The following PGM1 variants were observed in gnomAD, a reference collection of about 807,000 sequenced individuals.
PGM1 encodes the protein phosphoglucomutase 1.
Under a neutral mutation model 55.6 loss-of-function variants are expected in PGM1, and 52 were observed. The observed-to-expected ratio is 0.94, with a 90% CI of 0.75 to 1.18. The LOEUF (loss-of-function observed/expected upper bound fraction) is 1.18, where lower values mean the gene tolerates loss of function less well. Among genes scored for constraint, PGM1 ranks in the 50% most tolerant of loss-of-function variants. PGM1 has a pLI of 0.00. For synonymous variants in PGM1, 287 were observed against 271.7 expected, an observed-to-expected ratio of 1.06 and a Z score of -0.55; for missense variants, 724 against 729.3, an observed-to-expected ratio of 0.99 and a Z score of 0.08.
At chr1:63,595,568 A>G (rs545981379) in intron 1 of PGM1, among the ~76,000 whole-genome samples, 1 of 152,040 alleles carries the variant, frequency 6.6e-6, no homozygotes, top group East Asian at 1.9e-4. Context: ...GCAAATTCCC[A>G]TGAAAGAAGA....
chr1:63,631,831 GC>G, intron 4 of PGM1, 49 bp downstream of exon 4: 1 of 1,578,214 alleles, frequency 6.3e-7, no homozygotes, highest in Non-Finnish European at 8.7e-7. Context: ...ATAGGAAGTT[GC>G]CCTCTTCTGT....
chr1:63,602,264 A>G (rs1015512037), intron 1 of PGM1, among the ~76,000 whole-genome samples: 1 of 152,218 alleles, frequency 6.6e-6, no homozygotes, highest in Non-Finnish European at 1.5e-5. Flanking sequence ...AGTTTGTAAA[A>G]GGACCCCAAA....
rs377346866 is a variant in PGM1, at chr1:63,651,372, CAT to C, written c.1281-296_1281-295del. The C allele has an allele frequency of 4.1e-5, 15 of 362,352 alleles. 1 individual carries two copies. The highest frequency in any genetic ancestry group is 3.1e-4 in the African/African-American group (15 of 48,060). The allele number at this position is 362,352 out of a possible 1,614,324, so 22.4% of individuals were successfully genotyped here. A position where few individuals can be genotyped will look rare whatever the true frequency, so the allele number is the denominator to read the frequency against. ...GATGTGGTGACTAAATGTTAGATAG[CAT>C]CTTTCAAAAGCCTTTGAAACATCTT... On this transcript the variant is annotated intron_variant, in intron 8 of 10. Coordinates refer to ENST00000371084, the MANE Select transcript of PGM1 (RefSeq NM_002633.3).
At chr1:63,633,020 C>T (rs1329207542) in intron 4 of PGM1, among the ~76,000 whole-genome samples, 2 of 152,066 alleles carry the variant, frequency 1.3e-5, no homozygotes, top group African/African-American at 4.8e-5. Context: ...AAGACTCCGT[C>T]TCAAAAAAAC....
Position 63,607,238 on chromosome 1 carries a change from A to G in PGM1, c.246+13504A>G, listed in dbSNP as rs144828428. On this transcript the variant is annotated intron_variant, in intron 1 of 10. Coordinates refer to ENST00000371084, the MANE Select transcript of PGM1 (RefSeq NM_002633.3). ...CCAGTTTTGGTTGCCAGGCAGGGGA[A>G]GTTCCATTTACCAAGTGAAACCACA... Among the ~76,000 whole-genome samples, 634 of 152,312 alleles carry G rather than the reference A, an allele frequency of 4.2e-3. 4 individuals carry two copies. The highest frequency in any genetic ancestry group is 0.015 in the African/African-American group (610 of 41,560).
At chr1:63,630,233 G>A in intron 3 of PGM1, 145 bp downstream of exon 3, 2 of 894,952 alleles carry the variant, frequency 2.2e-6, no homozygotes, top group Non-Finnish European at 3.6e-6. Flanking sequence ...TAATTAACAA[G>A]TCTGGAATTA....
chr1:63,595,897 C>T (rs1279553223), intron 1 of PGM1, among the ~76,000 whole-genome samples: 1 of 152,110 alleles, frequency 6.6e-6, no homozygotes, highest in Non-Finnish European at 1.5e-5. Context: ...TGCCCTATTG[C>T]TCTTCTCTCA....
intron 1 of PGM1, among the ~76,000 whole-genome samples, chr1:63,617,945 T>C (rs894947673): frequency 2.0e-5 from 3 of 152,094 alleles, no homozygotes; most frequent in Admixed American, 2.0e-4. Flanking sequence ...GTCAAATATT[T>C]GTTTTCTTTT....
At chr1:63,615,547 C>CTTTTTTTT (rs796858830) in intron 1 of PGM1, among the ~76,000 whole-genome samples, 1 of 96,096 alleles carries the variant, frequency 1.0e-5, no homozygotes, top group African/African-American at 4.6e-5. Context: ...TCTTCTTCTT[C>CTTTTTTTT]TTCTTTTTTT....
intron 6 of PGM1, among the ~76,000 whole-genome samples, chr1:63,636,933 C>T (rs564420130): frequency 1.8e-4 from 28 of 152,286 alleles, no homozygotes; most frequent in Middle Eastern, 3.4e-3. Context: ...CTTGCCCACA[C>T]AAACACAGTG....
intron 1 of PGM1, among the ~76,000 whole-genome samples, chr1:63,615,925 G>C (rs576966241): frequency 6.6e-6 from 1 of 152,232 alleles, no homozygotes; most frequent in Non-Finnish European, 1.5e-5. Context: ...AGCCCATAGA[G>C]TTGTGCAAGG....
chr1:63,649,500 A>G (rs977606008), intron 8 of PGM1, among the ~76,000 whole-genome samples: 14 of 152,206 alleles, frequency 9.2e-5, no homozygotes, highest in African/African-American at 2.9e-4. Flanking sequence ...TATTAGATGA[A>G]TTGTTTATGT....
At position 63,659,588 on chromosome 1, in the gene PGM1, C is replaced by A. The variant is rs772493314; in HGVS notation, c.1602C>A (p.Val534=). ...DVAKINQDPQ[V]MLAPLISIAL... is the part of the protein sequence containing the mutation. ...GCTTCTCTCTATGTCTTCCTCAGGTCATGTTGGCCCCCCTTATTTCCATTG... is the reference window on the plus strand; with the variant it reads ...GCTTCTCTCTATGTCTTCCTCAGGTAATGTTGGCCCCCCTTATTTCCATTG... Residue 534 remains valine (V), a splice_region_variant and synonymous_variant, in exon 11 of 11, where the codon GTC becomes GTA. Coordinates refer to ENST00000371084, the MANE Select transcript of PGM1 (RefSeq NM_002633.3). 11 of 1,613,252 alleles carry A rather than the reference C, an allele frequency of 6.8e-6. No homozygotes were observed. The highest frequency in any genetic ancestry group is 6.8e-6 in the Non-Finnish European group (8 of 1,179,306).
chr1:63,647,283 T>TAC (rs1177137650), intron 7 of PGM1, among the ~76,000 whole-genome samples: 6 of 58,388 alleles, frequency 1.0e-4, no homozygotes, highest in Non-Finnish European at 1.3e-4. Flanking sequence ...TATATATATA[T>TAC]ATATATATAT....
intron 3 of PGM1, among the ~76,000 whole-genome samples, chr1:63,630,808 G>A (rs1458317684): frequency 6.6e-6 from 1 of 152,164 alleles, no homozygotes; most frequent in Non-Finnish European, 1.5e-5. Context: ...GCCCTAACAT[G>A]TTTTCTTTCT....
chr1:63,651,187 A>G (rs1379654475), intron 8 of PGM1, among the ~76,000 whole-genome samples: 2 of 152,100 alleles, frequency 1.3e-5, no homozygotes, highest in Admixed American at 1.3e-4. Context: ...AACTCTGCTT[A>G]GTCAAAATCT....
At position 63,604,917 on chromosome 1, in the gene PGM1, C is replaced by CGTGTG. The variant is rs1451319454; in HGVS notation, c.246+11183_246+11184insGTGTG. Reference sequence around the variant, plus strand: ...TATATAGGGAGGGAGTTACATAACTCTGTGTGTGTGTGTGTGTGTGTGTGT... The same window carrying CGTGTG: ...TATATAGGGAGGGAGTTACATAACTCGTGTGTGTGTGTGTGTGTGTGTGTGTGTGT... On this transcript the variant is annotated intron_variant, in intron 1 of 10. Transcript: ENST00000371084. Among the ~76,000 whole-genome samples, 881 of 118,820 alleles carry CGTGTG rather than the reference C, an allele frequency of 7.4e-3. 5 individuals carry two copies. Among genetic ancestry groups the CGTGTG allele is most frequent in the East Asian group, 0.036 (132 of 3,716 alleles). The allele number at this position is 118,820 out of a possible 152,430, so 78.0% of individuals were successfully genotyped here.
At chr1:63,633,941 T>TA (rs1649289003) in intron 4 of PGM1, among the ~76,000 whole-genome samples, 2 of 121,622 alleles carry the variant, frequency 1.6e-5, no homozygotes, top group African/African-American at 3.5e-5. Context: ...TATTTTTTTT[T>TA]TTTTTTTTTT....
intron 1 of PGM1, among the ~76,000 whole-genome samples, chr1:63,613,505 A>C (rs1648623596): frequency 6.6e-6 from 1 of 150,650 alleles, no homozygotes; most frequent in Non-Finnish European, 1.5e-5. Context: ...TTCAATCTCT[A>C]CCTCTGTCTT....
Sources: allele counts gnomAD v4.1 joint callset (sites outside exome capture counted in the v4.1 genomes callset), GRCh38; gene constraint gnomAD v4.1.1; transcripts MANE v1.5; gene names NCBI Gene and HGNC (gene_info 2026-07-23, HGNC 2026-07-21).